The following ZFYVE1 variants were observed in gnomAD, a reference collection of about 807,000 sequenced individuals.
The protein encoded by ZFYVE1 is zinc finger FYVE domain-containing protein 1.
In ZFYVE1, 30 loss-of-function variants were observed where a neutral mutation model predicts 74.4. That is an observed-to-expected ratio of 0.40 (90% CI 0.30 to 0.55). The LOEUF (loss-of-function observed/expected upper bound fraction) is 0.55, where lower values mean the gene tolerates loss of function less well. Ranked by LOEUF, ZFYVE1 falls within the 20% of genes least tolerant of loss-of-function variation. ZFYVE1 has a pLI of 0.42. For synonymous variants in ZFYVE1, 335 were observed against 385.1 expected (o/e 0.87, Z 1.52); for missense variants, 703 against 1,011.6 (o/e 0.69, Z 4.14).
At chr14:72,971,821 G>A (rs555679496) in intron 11 of ZFYVE1, among the ~76,000 whole-genome samples, 5 of 152,126 alleles carry the variant, frequency 3.3e-5, no homozygotes, top group South Asian at 2.1e-4. Flanking sequence ...AGGGGCAGCC[G>A]TGTTAAGAAC....
Position 72,981,824 on chromosome 14 carries a change from C to G in ZFYVE1, c.1275G>C (p.Glu425Asp). Residue 425 changes from glutamate to aspartate, a missense_variant, in exon 5 of 12, where the codon GAG becomes GAC. Transcript: ENST00000556143. ...QMAHSSFFPD[E>D]YFTCSSLCLS... ...GGCACAAGGAGGAGCAGGTGAAATACTCATCTGGAAAAAAGGAGCTGTGCG... is the reference window on the plus strand; with the variant it reads ...GGCACAAGGAGGAGCAGGTGAAATAGTCATCTGGAAAAAAGGAGCTGTGCG... 6.2e-7 allele frequency: 1 copy of G among 1,614,116 alleles called. No individual in the cohort carries two copies. Among genetic ancestry groups the G allele is most frequent in the Admixed American group, 1.7e-5 (1 of 60,018 alleles).
intron 2 of ZFYVE1, 75 bp from the exon 3 acceptor site, chr14:72,998,390 T>C (rs1893799659): frequency 7.4e-7 from 1 of 1,349,502 alleles, no homozygotes; most frequent in East Asian, 2.4e-5. Context: ...GAAGAAGTGC[T>C]TCCCAAGGAC....
chr14:72,984,855 G>T (rs1203375590), intron 4 of ZFYVE1, among the ~76,000 whole-genome samples: 1 of 152,174 alleles, frequency 6.6e-6, no homozygotes, highest in Non-Finnish European at 1.5e-5. Flanking sequence ...TCCAGGACTA[G>T]ATCATAAATA....
At chr14:72,980,402 A>G (rs2333014) in intron 5 of ZFYVE1, among the ~76,000 whole-genome samples, 21,880 of 152,130 alleles carry the variant, frequency 0.14, 1,836 homozygotes, top group South Asian at 0.23. Context: ...TGACCTCGAC[A>G]CACTGCATTT....
At chr14:73,021,231 C>A (rs1450690903) in intron 2 of ZFYVE1, among the ~76,000 whole-genome samples, 1 of 152,060 alleles carries the variant, frequency 6.6e-6, no homozygotes, top group Non-Finnish European at 1.5e-5. Context: ...GCCGGTAGTT[C>A]CAGCTACTCA....
chr14:73,001,624 T>C (rs539038625), intron 2 of ZFYVE1, among the ~76,000 whole-genome samples: 16 of 152,240 alleles, frequency 1.1e-4, no homozygotes, highest in African/African-American at 3.4e-4. Flanking sequence ...GTTCTGTACC[T>C]ACCTCCCACC....
At position 72,975,108 on chromosome 14, in the gene ZFYVE1, T is replaced by C; in HGVS notation, c.1807-149A>G. 1 of 803,864 alleles carries C rather than the reference T, an allele frequency of 1.2e-6. No homozygotes were observed. The allele number at this position is 803,864 out of a possible 1,614,324, so 49.8% of individuals were successfully genotyped here. The stretch of plus-strand genomic sequence containing the variant: ...ACAAGAGCTTTCTAGTAACGCGTTA[T>C]CTGAGAATGGAAAGGAAGCCTGGTG... On this transcript the variant is annotated intron_variant, in intron 9 of 11. Coordinates refer to ENST00000556143, the MANE Select transcript of ZFYVE1 (RefSeq NM_021260.4). This position sits in a 1 kb window ranked among gnomAD's most constrained non-coding sequence, Gnocchi z 4.1.
In ZFYVE1 at chr14:72,977,964, G is replaced by C; in HGVS notation, c.1598C>G (p.Thr533Arg). Reference protein sequence around the residue: ...YWFGNQDPVDTVVRTEIVHVW... With the variant: ...YWFGNQDPVDRVVRTEIVHVW... ...ATGCACAATCTCTGTCCGCACCACC[G>C]TATCCACAGGATCTTGGTTTCCAAA... The change falls in exon 8 of 12, where the codon ACG becomes AGG. Residue 533 changes from threonine to arginine, a missense_variant. Coordinates refer to ENST00000556143, the MANE Select transcript of ZFYVE1 (RefSeq NM_021260.4). 1 of 1,614,158 alleles carries C rather than the reference G, an allele frequency of 6.2e-7. No homozygotes were observed.
intron 4 of ZFYVE1, among the ~76,000 whole-genome samples, chr14:72,983,920 T>C (rs891726436): frequency 4.6e-5 from 7 of 152,170 alleles, no homozygotes; most frequent in Non-Finnish European, 8.8e-5. Context: ...CCAGTTAGAA[T>C]GGCGATCATT....
intron 1 of ZFYVE1, among the ~76,000 whole-genome samples, 191 bp downstream of exon 1, chr14:73,026,735 T>C: frequency 3.1e-5 from 4 of 129,848 alleles, no homozygotes; most frequent in African/African-American, 5.8e-5. Flanking sequence ...ACAAAGAAGG[T>C]CCCCCAAAAT....
chr14:72,980,284 C>T (rs1434082924), intron 5 of ZFYVE1, among the ~76,000 whole-genome samples: 2 of 152,206 alleles, frequency 1.3e-5, no homozygotes, highest in Non-Finnish European at 2.9e-5. Context: ...GTCAGGTCTA[C>T]TCCTGTAAAA....
intron 3 of ZFYVE1, among the ~76,000 whole-genome samples, chr14:72,997,002 C>T (rs1009751765): frequency 6.6e-5 from 10 of 152,170 alleles, no homozygotes; most frequent in African/African-American, 2.4e-4. Flanking sequence ...CTTCCTATTT[C>T]TCTAAGAAAA....
chr14:73,002,989 G>A (rs981084980), intron 2 of ZFYVE1, among the ~76,000 whole-genome samples: 24 of 150,178 alleles, frequency 1.6e-4, no homozygotes, highest in African/African-American at 5.1e-4. Context: ...TGATCCGCCC[G>A]CCTCGGCCTC....
At chr14:73,018,968 A>G (rs1594866537) in intron 2 of ZFYVE1, among the ~76,000 whole-genome samples, 1 of 152,002 alleles carries the variant, frequency 6.6e-6, no homozygotes, top group East Asian at 1.9e-4. Context: ...TTCCTGGCAC[A>G]TAATATATGC....
rs763855610 is a variant in ZFYVE1 at position 72,998,300 on chromosome 14, C to T, written c.499G>A (p.Asp167Asn). 8 of 1,423,672 alleles carry T rather than the reference C, an allele frequency of 5.6e-6. No individual in the cohort carries two copies. The highest frequency in any genetic ancestry group is 1.6e-5 in the South Asian group (1 of 60,708). 88.2% of individuals were successfully genotyped at this position (1,423,672 alleles called of 1,614,324 possible). A position where few individuals can be genotyped will look rare whatever the true frequency, so the allele number is the denominator to read the frequency against. Residue 167 changes from aspartate (D) to asparagine (N), a missense_variant, in exon 3 of 12, where the codon GAC (aspartate) becomes AAC (asparagine). Physicochemically the swap from Asp to Asn is conservative, Grantham distance 23. Around this residue, in one of 2 missense-constraint regions of ZFYVE1, gnomAD observed 211 missense variants for 221.7 expected, o/e 0.95. Coordinates refer to ENST00000556143, the MANE Select transcript of ZFYVE1 (RefSeq NM_021260.4). ...NEEIQVTNEE[D>N]FIRKLDCKPD... ...TTGCAGTCCAATTTTCTAATAAAGT[C>T]TTCTTCATTTGTTACCTGCAAAAAA...
At chr14:73,003,126 C>T (rs912702285) in intron 2 of ZFYVE1, among the ~76,000 whole-genome samples, 1 of 146,552 alleles carries the variant, frequency 6.8e-6, no homozygotes, top group Admixed American at 7.0e-5. Flanking sequence ...ACAATCTCAG[C>T]TCACTGCAAC....
Position 72,998,285 on chromosome 14 carries a change from A to G in ZFYVE1, c.514T>C (p.Leu172=). Residue 172 remains leucine (L), a synonymous_variant, in exon 3 of 12, where the codon TTG becomes CTG. Coordinates refer to ENST00000556143, the MANE Select transcript of ZFYVE1 (RefSeq NM_021260.4). ...VTNEEDFIRK[L]DCKPDQHLKV... is the part of the protein sequence containing the mutation. ...AGATGCTGATCAGGTTTGCAGTCCA[A>G]TTTTCTAATAAAGTCTTCTTCATTT... The G allele has an allele frequency of 6.6e-7, 1 of 1,507,482 alleles. No individual in the cohort carries two copies. Among genetic ancestry groups the G allele is most frequent in the Non-Finnish European group, 8.9e-7 (1 of 1,121,474 alleles). 93.4% of individuals were successfully genotyped at this position (1,507,482 alleles called of 1,614,324 possible).
At position 72,993,241 on chromosome 14, in the gene ZFYVE1, T is replaced by C; in HGVS notation, c.1105A>G (p.Thr369Ala). The change falls in exon 4 of 12, where the codon ACG becomes GCG. Residue 369 changes from threonine to alanine, a missense_variant. Thr to Ala is a moderately conservative substitution (Grantham distance 58). Transcript: ENST00000556143. ...GCACGCCGAAGCCCAGAAAAGTCCGTGGGAGGGTTGTAAGTCCTCGTTCCC... is the reference window on the plus strand; with the variant it reads ...GCACGCCGAAGCCCAGAAAAGTCCGCGGGAGGGTTGTAAGTCCTCGTTCCC... ...YKGTRTYNPP[T>A]DFSGLRRALE... is the part of the protein sequence containing the mutation. 1 of 1,613,628 alleles carries C rather than the reference T, an allele frequency of 6.2e-7. No individual in the cohort carries two copies. Among genetic ancestry groups the C allele is most frequent in the Non-Finnish European group, 8.5e-7 (1 of 1,179,950 alleles).
At chr14:73,025,114 G>A (rs564402990) in intron 1 of ZFYVE1, among the ~76,000 whole-genome samples, 172 bp from the exon 2 acceptor site, 1 of 148,724 alleles carries the variant, frequency 6.7e-6, no homozygotes, top group South Asian at 2.1e-4. Context: ...TGCTGCCCAA[G>A]CTGGAGTGCA....
Sources: allele counts gnomAD v4.1 joint callset (sites outside exome capture counted in the v4.1 genomes callset), GRCh38; gene constraint gnomAD v4.1.1; regional missense constraint gnomAD v4.1.1; non-coding constraint Gnocchi (gnomAD v3.1); transcripts MANE v1.5; gene names NCBI Gene and HGNC (gene_info 2026-07-23, HGNC 2026-07-21).